The following CFAP20DC variants were observed in gnomAD, a reference collection of about 807,000 sequenced individuals.
CFAP20DC encodes protein CFAP20DC.
CFAP20DC carries 84 observed loss-of-function variants against 101.7 expected under a neutral mutation model. That is an observed-to-expected ratio of 0.83 (90% CI 0.69 to 0.99). The LOEUF (loss-of-function observed/expected upper bound fraction) is 0.99, where lower values mean the gene tolerates loss of function less well. Ranked by LOEUF, CFAP20DC falls within the 50% of genes least tolerant of loss-of-function variation. CFAP20DC has a pLI of 0.00. For missense variants in CFAP20DC, 1,007 were observed against 970.3 expected, an observed-to-expected ratio of 1.04 and a Z score of -0.50; for synonymous variants, 359 against 351.2, an observed-to-expected ratio of 1.02 and a Z score of -0.25.
chr3:58,753,827 A>T lies in CFAP20DC; in HGVS notation c.2274T>A (p.Pro758=). The T allele has an allele frequency of 6.2e-7, 1 of 1,612,868 alleles. No individual in the cohort carries two copies. The highest frequency in any genetic ancestry group is 8.5e-7 in the Non-Finnish European group (1 of 1,179,362). The stretch of plus-strand genomic sequence containing the variant: ...GCTGCTCAGCCGGCTGTTGACTGGG[A>T]GGAACGATTGGTGGGCTCAACATAT... ...WLNMLSPPIV[P]PSQQPAEQRP... The change falls in exon 16 of 17, where the codon CCT becomes CCA. Residue 758 remains proline, a synonymous_variant. Transcript: ENST00000482387.
intron 4 of CFAP20DC, among the ~76,000 whole-genome samples, chr3:58,980,077 T>G (rs1004430026): frequency 1.2e-4 from 19 of 152,280 alleles, no homozygotes; most frequent in Non-Finnish European, 2.8e-4. Flanking sequence ...ACTGCCATAG[T>G]TGAAAGCCTG....
At chr3:58,739,158 A>T (rs1195160336), downstream of CFAP20DC, among the ~76,000 whole-genome samples, 3 of 152,200 alleles carry the variant, frequency 2.0e-5, no homozygotes, top group African/African-American at 7.2e-5. Flanking sequence ...AATAAAAGTT[A>T]AATTAATTGG....
At chr3:59,048,039 G>T (rs1471720145) in intron 1 of CFAP20DC, among the ~76,000 whole-genome samples, 1 of 152,088 alleles carries the variant, frequency 6.6e-6, no homozygotes, top group African/African-American at 2.4e-5. Context: ...ACAGCCTACT[G>T]GTTCCCCATT....
Position 58,784,349 on chromosome 3 carries a change from T to C in CFAP20DC, c.2237+22046A>G, listed in dbSNP as rs1575630285. Among the ~76,000 whole-genome samples, 11 of 151,992 alleles carry C rather than the reference T, an allele frequency of 7.2e-5. 3 individuals are homozygous for C. In the South Asian group the frequency reaches 2.3e-3, roughly 32 times the overall value. On this transcript the variant is annotated intron_variant, in intron 15 of 16. Coordinates refer to ENST00000482387, the MANE Select transcript of CFAP20DC (RefSeq NM_001394063.1). ...ACATCATGAAAGACTATAGCAACAA[T>C]AGAAACTGGGGACTACTATAGGTAG...
intron 13 of CFAP20DC, among the ~76,000 whole-genome samples, chr3:58,840,983 G>A (rs1236625796): frequency 1.3e-5 from 2 of 152,222 alleles, no homozygotes; most frequent in African/African-American, 4.8e-5. Flanking sequence ...CACTGCTTTT[G>A]ACTTTTCAGT....
At chr3:58,867,789 A>G in intron 10 of CFAP20DC, 28 bp downstream of exon 10, 2 of 1,612,930 alleles carry the variant, frequency 1.2e-6, no homozygotes, top group Non-Finnish European at 1.7e-6. Context: ...ATATACAGAT[A>G]TAAGATAGGA....
chr3:58,820,919 C>T (rs1020478148), intron 14 of CFAP20DC, among the ~76,000 whole-genome samples: 1 of 150,508 alleles, frequency 6.6e-6, no homozygotes, highest in African/African-American at 2.5e-5. Context: ...GTAACCAAAA[C>T]AGCATGGTAC....
chr3:58,902,459 T>C (rs1436933447), intron 6 of CFAP20DC, among the ~76,000 whole-genome samples: 1 of 152,194 alleles, frequency 6.6e-6, no homozygotes, highest in African/African-American at 2.4e-5. Flanking sequence ...CAACCCTTAT[T>C]CCCATCCTAG....
chr3:58,831,126 G>C (rs1380397113), intron 14 of CFAP20DC, among the ~76,000 whole-genome samples: 1 of 152,160 alleles, frequency 6.6e-6, no homozygotes, highest in Non-Finnish European at 1.5e-5. Context: ...CATAGTGAGG[G>C]CAATGGGCCA....
chr3:58,741,750 C>T (rs1476700312), downstream of CFAP20DC, among the ~76,000 whole-genome samples: 1 of 152,000 alleles, frequency 6.6e-6, no homozygotes, highest in Non-Finnish European at 1.5e-5. Context: ...CCCACCTCTG[C>T]CTCCCAAGAT....
chr3:58,936,888 C>T (rs868132132), intron 5 of CFAP20DC, among the ~76,000 whole-genome samples: 1 of 150,150 alleles, frequency 6.7e-6, no homozygotes, highest in Non-Finnish European at 1.5e-5. Flanking sequence ...CTAACCTGCA[C>T]ATTGTGCACA....
Position 58,862,960 on chromosome 3 carries a change from G to A in CFAP20DC, c.1593+598C>T, listed in dbSNP as rs890055628. 5.8e-5 allele frequency: 56 copies of A among 973,116 alleles called. 1 individual carries two copies. In the South Asian group the frequency reaches 1.9e-3, roughly 33 times the overall value. The allele number at this position is 973,116 out of a possible 1,614,324, so 60.3% of individuals were successfully genotyped here. ...TTTGAAACATTTTAAAACTTTTTACGAATTTGCTAATTTATAGGATATATC... is the reference window on the plus strand; with the variant it reads ...TTTGAAACATTTTAAAACTTTTTACAAATTTGCTAATTTATAGGATATATC... On this transcript the variant is annotated intron_variant, in intron 12 of 16. Transcript: ENST00000482387.
In CFAP20DC at chr3:58,863,426, T is replaced by G; in HGVS notation, c.1593+132A>C. 6.8e-7 allele frequency: 1 copy of G among 1,466,402 alleles called. No individual in the cohort carries two copies. Among genetic ancestry groups the G allele is most frequent in the Non-Finnish European group, 9.0e-7 (1 of 1,113,490 alleles). The allele number at this position is 1,466,402 out of a possible 1,614,324, so 90.8% of individuals were successfully genotyped here. A position where few individuals can be genotyped will look rare whatever the true frequency, so the allele number is the denominator to read the frequency against. ...ATAACAACCTGATGCAACTGTGGAC[T>G]GACATGGCAATCTGTTGCATTTTTA... On this transcript the variant is annotated intron_variant, in intron 12 of 16. Transcript: ENST00000482387. The surrounding 1 kb of genome is among the most constrained non-coding windows in gnomAD (Gnocchi z 5.9).
chr3:59,027,936 A>G (rs989283719), intron 4 of CFAP20DC, among the ~76,000 whole-genome samples: 5 of 152,246 alleles, frequency 3.3e-5, no homozygotes, highest in Admixed American at 2.6e-4. Flanking sequence ...TTACACTAAA[A>G]TATTTTGGAA....
chr3:58,865,595 C>T (rs950166888), intron 11 of CFAP20DC, among the ~76,000 whole-genome samples: 3 of 152,132 alleles, frequency 2.0e-5, no homozygotes, highest in African/African-American at 7.2e-5. Context: ...CACTGGGCTC[C>T]CCTATTTTGG....
chr3:58,822,534 A>G (rs1156835533), intron 14 of CFAP20DC, among the ~76,000 whole-genome samples: 1 of 151,754 alleles, frequency 6.6e-6, no homozygotes, highest in Non-Finnish European at 1.5e-5. Flanking sequence ...ACATGTATAC[A>G]TATGTAACTA....
intron 6 of CFAP20DC, among the ~76,000 whole-genome samples, chr3:58,893,828 G>C (rs2082449869): frequency 6.6e-6 from 1 of 151,098 alleles, no homozygotes; most frequent in African/African-American, 2.4e-5. Context: ...TTTTCATGCT[G>C]CTGATAAAGA....
intron 7 of CFAP20DC, among the ~76,000 whole-genome samples, chr3:58,870,894 CAAAA>C (rs548763648): frequency 0.019 from 363 of 18,782 alleles, no homozygotes; most frequent in African/African-American, 0.022. Context: ...GACTCCGTCT[CAAAA>C]AAAAAAAAAA....
intron 12 of CFAP20DC, among the ~76,000 whole-genome samples, chr3:58,852,798 C>T (rs2078374989): frequency 6.6e-6 from 1 of 150,836 alleles, no homozygotes; most frequent in Non-Finnish European, 1.5e-5. Context: ...AGAACAAAGA[C>T]ACAACATACC....
Sources: allele counts gnomAD v4.1 joint callset (sites outside exome capture counted in the v4.1 genomes callset), GRCh38; gene constraint gnomAD v4.1.1; non-coding constraint Gnocchi (gnomAD v3.1); transcripts MANE v1.5; gene names NCBI Gene and HGNC (gene_info 2026-07-23, HGNC 2026-07-21).